The following PGF variants were observed in gnomAD, a reference collection of about 807,000 sequenced individuals.
PGF encodes the protein placental growth factor, also known as placenta growth factor.
PGF carries 11 observed loss-of-function variants against 25.3 expected under a neutral mutation model. The observed-to-expected ratio is 0.43, with a 90% CI of 0.27 to 0.72. The LOEUF (loss-of-function observed/expected upper bound fraction) is 0.72. Ranked by LOEUF, PGF falls within the 30% of genes least tolerant of loss-of-function variation. PGF has a pLI of 0.18. For synonymous variants in PGF, 105 were observed against 97.9 expected (o/e 1.07, Z -0.43); for missense variants, 230 against 234.9 (o/e 0.98, Z 0.14).
At chr14:74,945,378 G>T (rs926431139) in intron 6 of PGF, 3 of 152,232 alleles carry the variant, frequency 2.0e-5, no homozygotes, top group Non-Finnish European at 4.4e-5. Flanking sequence ...TGCCGCGCGG[G>T]CCCAGAAAAG....
chr14:74,942,354 G>T lies in PGF; in HGVS notation c.*352C>A. 3.4e-6 allele frequency: 1 copy of T among 295,570 alleles called. No individual in the cohort carries two copies. The highest frequency in any genetic ancestry group is 6.3e-6 in the Non-Finnish European group (1 of 157,726). 18.3% of individuals were successfully genotyped at this position (295,570 alleles called of 1,614,324 possible). ...AGGGCTGCTTGTCTGTGCAGAGCCT[G>T]AGGCCCAAGAACAGGTAGCAGGGCC... is the stretch of plus-strand genomic sequence containing the variant. On this transcript the variant is annotated 3_prime_UTR_variant, in exon 7 of 7. Transcript: ENST00000555567.
Position 74,955,153 on chromosome 14 carries a change from G to C in PGF, c.75+15C>G. ...GGAGGTCTGGGGAGCCAGGCTAGGTGGGGGTAGCTCTTACCTGGGGGGGCA... is the reference window on the plus strand; with the variant it reads ...GGAGGTCTGGGGAGCCAGGCTAGGTCGGGGTAGCTCTTACCTGGGGGGGCA... On this transcript the variant is annotated intron_variant, in intron 1 of 6. Coordinates refer to ENST00000555567, the MANE Select transcript of PGF (RefSeq NM_002632.6). The surrounding 1 kb of genome is among the most constrained non-coding windows in gnomAD (Gnocchi z 4.1). 4.9e-6 allele frequency: 7 copies of C among 1,427,578 alleles called. No homozygotes were observed. The highest frequency in any genetic ancestry group is 1.4e-5 in the South Asian group (1 of 69,986). The allele number at this position is 1,427,578 out of a possible 1,614,324, so 88.4% of individuals were successfully genotyped here.
intron 2 of PGF, among the ~76,000 whole-genome samples, chr14:74,951,226 G>A (rs760574985): frequency 2.6e-5 from 4 of 152,148 alleles, no homozygotes; most frequent in South Asian, 2.1e-4. Flanking sequence ...CTAGGGGCTG[G>A]TGGTGGGGGG....
intron 2 of PGF, among the ~76,000 whole-genome samples, chr14:74,952,455 C>T (rs1161421737): frequency 1.3e-5 from 2 of 152,288 alleles, no homozygotes; most frequent in Non-Finnish European, 2.9e-5. Flanking sequence ...AGCCTCAGGG[C>T]CTGCCTGCAT....
intron 6 of PGF, 74 bp downstream of exon 6, chr14:74,946,139 C>A (rs1888726346): frequency 7.0e-7 from 1 of 1,437,950 alleles, no homozygotes; most frequent in South Asian, 1.1e-5. Flanking sequence ...CCCTCCCCAA[C>A]CTAACCCTGG....
chr14:74,946,498 C>T (rs539821682), intron 4 of PGF, 90 bp from the exon 5 acceptor site: 1 of 1,297,464 alleles, frequency 7.7e-7, no homozygotes, highest in African/African-American at 1.5e-5. Flanking sequence ...CCTCCGACAT[C>T]CCCAGTCCTG....
intron 5 of PGF, 28 bp from the exon 6 acceptor site, chr14:74,946,303 G>C: frequency 6.2e-7 from 1 of 1,614,168 alleles, no homozygotes; most frequent in Non-Finnish European, 8.5e-7. Flanking sequence ...TCAGGACAAG[G>C]TGGCTGGGGA....
chr14:74,955,506 G>A lies in PGF; in HGVS notation c.-264C>T. 1 of 369,162 alleles carries A rather than the reference G, an allele frequency of 2.7e-6. No homozygotes were observed. The highest frequency in any genetic ancestry group is 4.8e-6 in the Non-Finnish European group (1 of 206,980). The allele number at this position is 369,162 out of a possible 1,614,324, so 22.9% of individuals were successfully genotyped here. A position where few individuals can be genotyped will look rare whatever the true frequency, so the allele number is the denominator to read the frequency against. On this transcript the variant is annotated 5_prime_UTR_variant, in exon 1 of 7. Transcript: ENST00000555567. The surrounding 1 kb of genome is among the most constrained non-coding windows in gnomAD (Gnocchi z 4.1). Reference sequence around the variant, plus strand: ...GAGGGGCAGGCGGGTCCCGGGGATGGTCCGTCGGGCGCCCAGTGCCACTCC... The same window carrying A: ...GAGGGGCAGGCGGGTCCCGGGGATGATCCGTCGGGCGCCCAGTGCCACTCC...
intron 1 of PGF, among the ~76,000 whole-genome samples, chr14:74,954,653 G>C (rs1434763775): frequency 6.6e-6 from 1 of 152,126 alleles, no homozygotes; most frequent in Non-Finnish European, 1.5e-5. Flanking sequence ...CCACCCAGGA[G>C]AAAAGGCACA....
intron 6 of PGF, chr14:74,945,397 G>C (rs1393950064): frequency 1.3e-5 from 2 of 152,150 alleles, no homozygotes; most frequent in Non-Finnish European, 2.9e-5. Flanking sequence ...AGAGATGAGA[G>C]CATAAACCCC....
At position 74,953,846 on chromosome 14, in the gene PGF, G is replaced by A. The variant is rs111403313; in HGVS notation, c.118+58C>T. 327 of 1,556,392 alleles carry A rather than the reference G, an allele frequency of 2.1e-4. No homozygotes were observed. The African/African-American group carries it at 3.3e-3, about 16-fold the overall frequency. On this transcript the variant is annotated intron_variant, in intron 2 of 6. Transcript: ENST00000555567. This position sits in a 1 kb window ranked among gnomAD's most constrained non-coding sequence, Gnocchi z 5.4. ...CACGCTTCATGCCACACCTGGGCTT[G>A]GGAGAAAGGAAGAGAGGGGCTTGGG...
At chr14:74,952,019 G>A (rs1888883543) in intron 2 of PGF, among the ~76,000 whole-genome samples, 1 of 152,132 alleles carries the variant, frequency 6.6e-6, no homozygotes. Context: ...GGGGGTGGAG[G>A]TGAGAGCAAC....
At position 74,955,073 on chromosome 14, in the gene PGF, G is replaced by C; in HGVS notation, c.75+95C>G. The C allele has an allele frequency of 1.7e-6, 1 of 597,054 alleles. No individual in the cohort carries two copies. Among genetic ancestry groups the C allele is most frequent in the Non-Finnish European group, 2.7e-6 (1 of 376,630 alleles). The allele number at this position is 597,054 out of a possible 1,614,324, so 37.0% of individuals were successfully genotyped here. A position where few individuals can be genotyped will look rare whatever the true frequency, so the allele number is the denominator to read the frequency against. ...GTGTGTGGACATCCTTGGAGTTGCT[G>C]CTCCCTGGAGTGGGTCTGTGATTTC... On this transcript the variant is annotated intron_variant, in intron 1 of 6. Transcript: ENST00000555567. This position sits in a 1 kb window ranked among gnomAD's most constrained non-coding sequence, Gnocchi z 4.1.
chr14:74,946,102 C>G (rs1299682070), intron 6 of PGF, 111 bp downstream of exon 6: 4 of 908,648 alleles, frequency 4.4e-6, no homozygotes, highest in Non-Finnish European at 7.0e-6. Context: ...GTTCTGCCCC[C>G]AAGACTGGCC....
intron 1 of PGF, chr14:74,954,362 C>A: frequency 4.5e-6 from 1 of 220,046 alleles, no homozygotes; most frequent in Non-Finnish European, 9.3e-6. Context: ...GCGGGTGGCG[C>A]CATGAGCTGG....
intron 6 of PGF, 123 bp downstream of exon 6, chr14:74,946,090 C>T: frequency 2.5e-6 from 2 of 801,544 alleles, no homozygotes; most frequent in South Asian, 3.1e-5. Flanking sequence ...GTGCAGCTCC[C>T]TGTTCTGCCC....
rs988322987 is a variant in PGF, at chr14:74,953,240, A to G, written c.118+664T>C. Among the ~76,000 whole-genome samples the G allele has an allele frequency of 1.3e-5, 2 of 152,206 alleles. No individual in the cohort carries two copies. Among genetic ancestry groups the G allele is most frequent in the South Asian group, 4.1e-4 (2 of 4,830 alleles). On this transcript the variant is annotated intron_variant, in intron 2 of 6. Coordinates refer to ENST00000555567, the MANE Select transcript of PGF (RefSeq NM_002632.6). This position sits in a 1 kb window ranked among gnomAD's most constrained non-coding sequence, Gnocchi z 5.4. The stretch of plus-strand genomic sequence containing the variant: ...TCTCCCATGGCGCAGGGGAAACCTC[A>G]GCGGTGGTGTGTGGCCACTTTGCAC...
At position 74,955,564 on chromosome 14, in the gene PGF, A is replaced by T. The variant is rs1888972354; in HGVS notation, c.-322T>A. On this transcript the variant is annotated 5_prime_UTR_variant, in exon 1 of 7. Coordinates refer to ENST00000555567, the MANE Select transcript of PGF (RefSeq NM_002632.6). The surrounding 1 kb of genome is among the most constrained non-coding windows in gnomAD (Gnocchi z 4.1). Reference sequence around the variant, plus strand: ...CCCGTAGCTGGGCGGCCGTCCGTCGATGCAGTTTCCTCCGCAGACAGCAGC... The same window carrying T: ...CCCGTAGCTGGGCGGCCGTCCGTCGTTGCAGTTTCCTCCGCAGACAGCAGC... 3.6e-6 allele frequency: 1 copy of T among 278,948 alleles called. No homozygotes were observed. The allele number at this position is 278,948 out of a possible 1,614,324, so 17.3% of individuals were successfully genotyped here. A position where few individuals can be genotyped will look rare whatever the true frequency, so the allele number is the denominator to read the frequency against.
In PGF at chr14:74,953,950, T is replaced by C. The variant is rs1888927841; in HGVS notation, c.76-4A>G. The stretch of plus-strand genomic sequence containing the variant: ...TCCCAGCAGACAAGGCCCACTGCTA[T>C]GGACAGAAAAGTGCAGAGGTGAGCT... On this transcript the variant is annotated splice_polypyrimidine_tract_variant and splice_region_variant and intron_variant, in intron 1 of 6. Coordinates refer to ENST00000555567, the MANE Select transcript of PGF (RefSeq NM_002632.6). The surrounding 1 kb of genome is among the most constrained non-coding windows in gnomAD (Gnocchi z 5.4). 4 of 1,613,924 alleles carry C rather than the reference T, an allele frequency of 2.5e-6. No individual in the cohort carries two copies. In the African/African-American group the frequency reaches 4.0e-5, roughly 16 times the overall value.
Sources: allele counts gnomAD v4.1 joint callset (sites outside exome capture counted in the v4.1 genomes callset), GRCh38; gene constraint gnomAD v4.1.1; non-coding constraint Gnocchi (gnomAD v3.1); transcripts MANE v1.5; gene names NCBI Gene and HGNC (gene_info 2026-07-23, HGNC 2026-07-21).